AACS: variants seen among roughly 807,000 people sequenced by gnomAD.
AACS encodes the protein acetoacetate-CoA ligase.
A neutral mutation model predicts 83.1 loss-of-function variants in AACS; 69 were observed. The ratio of observed to expected loss-of-function variants is 0.83; its 90% CI spans 0.68 to 1.01. The LOEUF (loss-of-function observed/expected upper bound fraction) is 1.01, where lower values mean the gene tolerates loss of function less well. Ranked by LOEUF, AACS falls within the 50% of genes least tolerant of loss-of-function variation. AACS has a pLI of 0.00. For synonymous variants in AACS, 333 were observed against 343.4 expected (o/e 0.97, Z 0.33); for missense variants, 866 against 882.2 (o/e 0.98, Z 0.23).
chr12:125,111,585 T>C (rs753901958), intron 8 of AACS, among the ~76,000 whole-genome samples: 3 of 152,196 alleles, frequency 2.0e-5, no homozygotes, highest in Non-Finnish European at 4.4e-5. Context: ...TCTAGAGTTA[T>C]CTTGACTACA....
chr12:125,091,434 C>T lies in AACS; in HGVS notation c.481C>T (p.Pro161Ser). The change falls in exon 5 of 18, where the codon CCC becomes TCC. Residue 161 changes from proline to serine, a missense_variant. By Grantham distance (74) the Pro-to-Ser change is moderately conservative. Coordinates refer to ENST00000316519, the MANE Select transcript of AACS (RefSeq NM_023928.5). ...CTATGTTTTCTCCACAGGTTATTTACCCAACAGTGAGCACGCTGTCGAGGC... is the reference window on the plus strand; with the variant it reads ...CTATGTTTTCTCCACAGGTTATTTATCCAACAGTGAGCACGCTGTCGAGGC... ...KKGDRVVGYLPNSEHAVEAML... is the reference protein window; with the variant it reads ...KKGDRVVGYLSNSEHAVEAML... 2 of 1,614,226 alleles carry T rather than the reference C, an allele frequency of 1.2e-6. No homozygotes were observed. Among genetic ancestry groups the T allele is most frequent in the Non-Finnish European group, 1.7e-6 (2 of 1,180,038 alleles).
chr12:125,104,577 C>A (rs1420959807), intron 7 of AACS, among the ~76,000 whole-genome samples: 2 of 152,076 alleles, frequency 1.3e-5, no homozygotes, highest in Non-Finnish European at 2.9e-5. Context: ...GAGGTGGCAT[C>A]TGGGGGTGGC....
intron 17 of AACS, chr12:125,141,756 C>A: frequency 3.9e-6 from 1 of 254,418 alleles, no homozygotes; most frequent in East Asian, 8.2e-5. Context: ...ATGGTGACCT[C>A]TGGGCAACTT....
intron 5 of AACS, among the ~76,000 whole-genome samples, chr12:125,099,164 AT>A (rs1956670812): frequency 1.3e-5 from 2 of 152,066 alleles, no homozygotes; most frequent in Admixed American, 1.3e-4. Context: ...TAATCATGCG[AT>A]TTCCCCCTCT....
rs574232116 is a variant in AACS, at chr12:125,076,474, G to A, written c.238-17G>A. The A allele has an allele frequency of 2.4e-4, 391 of 1,613,032 alleles. 6 individuals are homozygous for A. The South Asian group carries it at 4.1e-3, about 17-fold the overall frequency. On this transcript the variant is annotated splice_polypyrimidine_tract_variant and intron_variant, in intron 2 of 17. Coordinates refer to ENST00000316519, the MANE Select transcript of AACS (RefSeq NM_023928.5). Reference sequence around the variant, plus strand: ...GTCTCATGTGTGTGCGTCTTGGTTTGTTGTCATTCTCTATAGGTTGTGGAC... The same window carrying A: ...GTCTCATGTGTGTGCGTCTTGGTTTATTGTCATTCTCTATAGGTTGTGGAC...
chr12:125,142,140 G>T lies in AACS; in HGVS notation c.1930G>T (p.Ala644Ser), dbSNP rs753935697. ...KVEVAVKQII[A>S]GKAVEQGGAF... is the part of the protein sequence containing the mutation. ...GGAAGTTGCCGTCAAACAGATCATCGCTGGAAAAGCCGTGGAGCAAGGAGG... is the reference window on the plus strand; with the variant it reads ...GGAAGTTGCCGTCAAACAGATCATCTCTGGAAAAGCCGTGGAGCAAGGAGG... The change falls in exon 18 of 18, where the codon GCT (alanine) becomes TCT (serine). Residue 644 changes from alanine (A) to serine (S), a missense_variant. Transcript: ENST00000316519. 2.5e-6 allele frequency: 4 copies of T among 1,613,990 alleles called. No individual in the cohort carries two copies. Among genetic ancestry groups the T allele is most frequent in the Middle Eastern group, 1.6e-4 (1 of 6,084 alleles).
At chr12:125,105,216 CT>C (rs757734972) in intron 7 of AACS, 1 of 152,202 alleles carries the variant, frequency 6.6e-6, no homozygotes, top group Non-Finnish European at 1.5e-5. Context: ...TTATCAGCAC[CT>C]TCCTCTCAGG....
At position 125,130,390 on chromosome 12, in the gene AACS, C is replaced by T. The variant is rs964865468; in HGVS notation, c.1549+930C>T. On this transcript the variant is annotated intron_variant, in intron 14 of 17. Coordinates refer to ENST00000316519, the MANE Select transcript of AACS (RefSeq NM_023928.5). This position sits in a 1 kb window ranked among gnomAD's most constrained non-coding sequence, Gnocchi z 4.9. The stretch of plus-strand genomic sequence containing the variant: ...TTGGCTCCTGCCGTGAGCAGCTGTG[C>T]AGACAGACGAATGCAGAAAAGCAAG... Among the ~76,000 whole-genome samples, 1 of 152,256 alleles carries T rather than the reference C, an allele frequency of 6.6e-6. No homozygotes were observed. The highest frequency in any genetic ancestry group is 1.9e-4 in the East Asian group (1 of 5,204).
At chr12:125,079,896 C>CT (rs1432638450) in intron 3 of AACS, among the ~76,000 whole-genome samples, 1 of 152,244 alleles carries the variant, frequency 6.6e-6, no homozygotes, top group Non-Finnish European at 1.5e-5. Flanking sequence ...ACCCACCTCT[C>CT]TGCTTTCTTT....
chr12:125,118,822 T>C, intron 10 of AACS, 57 bp downstream of exon 10: 1 of 1,600,358 alleles, frequency 6.2e-7, no homozygotes, highest in South Asian at 1.1e-5. Flanking sequence ...GGAAGGCTCC[T>C]TGGGATCAGA....
intron 10 of AACS, chr12:125,121,949 G>C (rs1383701524): frequency 1.3e-5 from 2 of 152,658 alleles, no homozygotes; most frequent in Non-Finnish European, 2.9e-5. Flanking sequence ...GCTGGCACTG[G>C]GAGGGGGAAG....
rs368183215 is a variant in AACS, at chr12:125,119,052, A to G, written c.1121+287A>G. Among the ~76,000 whole-genome samples the G allele has an allele frequency of 2.0e-4, 31 of 152,264 alleles. 1 individual carries two copies. Among genetic ancestry groups the G allele is most frequent in the African/African-American group, 7.5e-4 (31 of 41,546 alleles). On this transcript the variant is annotated intron_variant, in intron 10 of 17. Coordinates refer to ENST00000316519, the MANE Select transcript of AACS (RefSeq NM_023928.5). ...GCAATCTCATTTCTTTTAAGAATCT[A>G]TTTCTATTTTGAAGGTTATTTTTTA...
chr12:125,114,356 A>G, intron 8 of AACS, 121 bp from the exon 9 acceptor site: 1 of 726,014 alleles, frequency 1.4e-6, no homozygotes, highest in Non-Finnish European at 2.2e-6. Context: ...CCCAGGAAAG[A>G]AAATGGGGAT....
At chr12:125,074,407 C>A (rs1340698382) in intron 2 of AACS, among the ~76,000 whole-genome samples, 1 of 151,696 alleles carries the variant, frequency 6.6e-6, no homozygotes, top group Non-Finnish European at 1.5e-5. Flanking sequence ...ATTAGCTGGT[C>A]GTGGTGGTGC....
chr12:125,083,203 G>A (rs1594586442), intron 3 of AACS, among the ~76,000 whole-genome samples: 1 of 152,220 alleles, frequency 6.6e-6, no homozygotes. Flanking sequence ...CCAAGATGGT[G>A]TGCCCACGTG....
intron 14 of AACS, among the ~76,000 whole-genome samples, chr12:125,131,146 A>C (rs1460662501): frequency 6.6e-6 from 1 of 152,226 alleles, no homozygotes; most frequent in African/African-American, 2.4e-5. Flanking sequence ...ATGGAAAGAT[A>C]CCCAGGATGT....
chr12:125,071,028 A>G (rs149340452), intron 1 of AACS, among the ~76,000 whole-genome samples: 110 of 152,322 alleles, frequency 7.2e-4, no homozygotes, highest in Admixed American at 3.3e-3. Context: ...GTGGGTCAGG[A>G]CTGGGGAGTG....
At position 125,100,386 on chromosome 12, in the gene AACS, T is replaced by C. The variant is rs115585912; in HGVS notation, c.571-2293T>C. ...CCTGGCTACCTAATTTTGAGTGTAG[T>C]TTACTGAAAACATTGGAAATGGAAA... On this transcript the variant is annotated intron_variant, in intron 5 of 17. Transcript: ENST00000316519. Among the ~76,000 whole-genome samples, 920 of 152,352 alleles carry C rather than the reference T, an allele frequency of 6.0e-3. 5 individuals carry two copies. Among genetic ancestry groups the C allele is most frequent in the African/African-American group, 0.021 (884 of 41,574 alleles).
intron 10 of AACS, 193 bp from the exon 11 acceptor site, chr12:125,124,512 C>G (rs547006968): frequency 1.6e-6 from 1 of 616,810 alleles, no homozygotes; most frequent in Non-Finnish European, 2.8e-6. Context: ...GTGTAAAGAG[C>G]AGTCAGGTGC....
Sources: gnomAD v4.1 joint callset for allele counts (sites outside exome capture counted in the v4.1 genomes callset) on GRCh38, gnomAD v4.1.1 for gene constraint, Gnocchi (gnomAD v3.1) non-coding constraint, MANE v1.5 for transcripts, NCBI Gene and HGNC (gene_info 2026-07-23, HGNC 2026-07-21) for gene names.